ZNF248: variants seen among roughly 807,000 people sequenced by gnomAD.
ZNF248 encodes KRAB protein domain.
ZNF248 carries 20 observed loss-of-function variants against 44.3 expected under a neutral mutation model. The ratio of observed to expected loss-of-function variants is 0.45; its 90% CI spans 0.32 to 0.66. The LOEUF (loss-of-function observed/expected upper bound fraction) is 0.66. ZNF248 is among the 30% of genes least tolerant of loss of function. The pLI is 0.04. For missense variants in ZNF248, 654 were observed against 677.0 expected (o/e 0.97, Z 0.38); for synonymous variants, 224 against 229.0 (o/e 0.98, Z 0.20).
chr10:37,823,585 GT>G (rs1355319255), intron 6 of ZNF248, among the ~76,000 whole-genome samples: 1 of 151,772 alleles, frequency 6.6e-6, no homozygotes, highest in African/African-American at 2.4e-5. Context: ...TTTTTTGGTT[GT>G]TTTTTGAGAC....
rs139942129 is a variant in ZNF248 at position 37,856,592 on chromosome 10, G to C, written c.-125-60C>G. ...GAGTTTAACAAGTTAACAGTAATCT[G>C]AAGGAAAAAACACTATGGGTTTGTC... On this transcript the variant is annotated intron_variant, in intron 1 of 5. Transcript: ENST00000395867. The C allele has an allele frequency of 4.2e-5, 46 of 1,105,978 alleles. No individual in the cohort carries two copies. The African/African-American group carries it at 7.2e-4, about 17-fold the overall frequency. 68.5% of individuals were successfully genotyped at this position (1,105,978 alleles called of 1,614,324 possible). A position where few individuals can be genotyped will look rare whatever the true frequency, so the allele number is the denominator to read the frequency against.
the ZNF248 span, among the ~76,000 whole-genome samples, chr10:37,767,678 A>C: frequency 6.6e-6 from 1 of 152,180 alleles, no homozygotes; most frequent in Non-Finnish European, 1.5e-5. Flanking sequence ...ACATGCCAAA[A>C]TGTAAAGACC....
chr10:37,833,569 C>T (rs991762208), intron 5 of ZNF248, among the ~76,000 whole-genome samples: 1 of 152,062 alleles, frequency 6.6e-6, no homozygotes, highest in African/African-American at 2.4e-5. Flanking sequence ...GTCCTAATCC[C>T]CTCACACACA....
intron 6 of ZNF248, among the ~76,000 whole-genome samples, chr10:37,782,707 G>A (rs920413821): frequency 8.5e-5 from 13 of 152,130 alleles, no homozygotes; most frequent in Non-Finnish European, 1.9e-4. Flanking sequence ...TATGGAGGCA[G>A]AGATTGGAGT....
intron 6 of ZNF248, chr10:37,795,531 C>G (rs1409311532): frequency 1.3e-5 from 2 of 152,098 alleles, no homozygotes; most frequent in East Asian, 1.9e-4. Context: ...CTGCCAGAGT[C>G]TGCCTTATAA....
chr10:37,764,959 GC>G, the ZNF248 span, among the ~76,000 whole-genome samples: 3,715 of 150,256 alleles, frequency 0.025, 110 homozygotes, highest in African/African-American at 0.07. Context: ...CACTTTTTGA[GC>G]CTTTTTTTTT....
chr10:37,767,746 T>C, the ZNF248 span, among the ~76,000 whole-genome samples: 107 of 152,312 alleles, frequency 7.0e-4, 1 homozygote, highest in Non-Finnish European at 1.2e-3. Flanking sequence ...GCTAACATCA[T>C]AATGACAGAA....
rs79835785 is a variant in ZNF248, at chr10:37,830,430, A to G, written c.*1185T>C. 5 of 985,236 alleles carry G rather than the reference A, an allele frequency of 5.1e-6. No individual in the cohort carries two copies. The Admixed American group carries it at 3.1e-4, about 61-fold the overall frequency. The allele number at this position is 985,236 out of a possible 1,614,324, so 61.0% of individuals were successfully genotyped here. ...AAAAACATATACTGGCCAACCTACA[A>G]AGAGACTCCGGTAGTATTTAGAGTA... On this transcript the variant is annotated 3_prime_UTR_variant, in exon 6 of 6. Coordinates refer to ENST00000395867, the MANE Select transcript of ZNF248 (RefSeq NM_021045.3).
chr10:37,763,383 C>T, the ZNF248 span, among the ~76,000 whole-genome samples: 1 of 152,222 alleles, frequency 6.6e-6, no homozygotes, highest in South Asian at 2.1e-4. Context: ...AGTGATCTCC[C>T]TAAGCAAACC....
At chr10:37,812,855 T>G (rs2051747931) in intron 6 of ZNF248, among the ~76,000 whole-genome samples, 1 of 152,116 alleles carries the variant, frequency 6.6e-6, no homozygotes, top group Non-Finnish European at 1.5e-5. Flanking sequence ...ATGACACCAC[T>G]GGCACTGAAG....
rs533115327 is a variant in ZNF248, at chr10:37,807,958, C to T, written c.330+25067G>A. On this transcript the variant is annotated intron_variant, in intron 6 of 6. Transcript: ENST00000615949. ...CTTTCAGTCTTTTACCCGAGTACGA[C>T]ATTAGCTGTATATTTTTAATATATG... Among the ~76,000 whole-genome samples, 7 of 152,216 alleles carry T rather than the reference C, an allele frequency of 4.6e-5. No individual in the cohort carries two copies. In the South Asian group the frequency reaches 1.4e-3, roughly 32 times the overall value.
chr10:37,808,878 T>TG (rs2051024559), intron 6 of ZNF248, among the ~76,000 whole-genome samples: 1 of 152,144 alleles, frequency 6.6e-6, no homozygotes, highest in South Asian at 2.1e-4. Flanking sequence ...AAGAGTTTTT[T>TG]TTTCATTACT....
At chr10:37,761,636 C>T in the ZNF248 span, among the ~76,000 whole-genome samples, 2 of 152,216 alleles carry the variant, frequency 1.3e-5, no homozygotes, top group Non-Finnish European at 2.9e-5. Flanking sequence ...AATAACTTTA[C>T]TTCAAAGAAT....
At chr10:37,787,087 G>A (rs1256853666) in intron 6 of ZNF248, among the ~76,000 whole-genome samples, 1 of 152,144 alleles carries the variant, frequency 6.6e-6, no homozygotes, top group East Asian at 1.9e-4. Flanking sequence ...AGACCTTCCT[G>A]ACTAACATGG....
chr10:37,832,220 T>C lies in ZNF248; in HGVS notation c.1135A>G (p.Thr379Ala), dbSNP rs1052320065. 1.2e-6 allele frequency: 2 copies of C among 1,614,004 alleles called. No homozygotes were observed. The highest frequency in any genetic ancestry group is 3.3e-5 in the Admixed American group (2 of 59,996). The change falls in exon 6 of 6, where the codon ACC (threonine) becomes GCC (alanine). Residue 379 changes from threonine to alanine, a missense_variant. Thr to Ala is a moderately conservative substitution (Grantham distance 58, BLOSUM62 0). Coordinates refer to ENST00000395867, the MANE Select transcript of ZNF248 (RefSeq NM_021045.3). The part of the protein sequence containing the change: ...QLRRAHTGEK[T>A]FECGECGKTF... ...TTCCCACATTCACCACATTCAAAGG[T>C]TTTTTCTCCTGTGTGAGCTCTCCGA...
At chr10:37,854,090 C>G (rs1369045789) in intron 3 of ZNF248, among the ~76,000 whole-genome samples, 1 of 152,072 alleles carries the variant, frequency 6.6e-6, no homozygotes, top group African/African-American at 2.4e-5. Context: ...TTTCTACATA[C>G]AAGTAAACTC....
At chr10:37,791,007 G>T (rs2048466773) in intron 6 of ZNF248, among the ~76,000 whole-genome samples, 1 of 135,498 alleles carries the variant, frequency 7.4e-6, no homozygotes, top group South Asian at 2.3e-4. Context: ...CTGAAAAATG[G>T]TCTATGTTTT....
Position 37,829,957 on chromosome 10 carries a change from A to G in ZNF248, c.*1658T>C. The G allele has an allele frequency of 1.0e-6, 1 of 985,442 alleles. No homozygotes were observed. The highest frequency in any genetic ancestry group is 1.2e-6 in the Non-Finnish European group (1 of 829,938). The allele number at this position is 985,442 out of a possible 1,614,324, so 61.0% of individuals were successfully genotyped here. ...AAATATAAAATTTAGCTCAGCAAGG[A>G]TGAAGTAGGGAATGGCCATCATGTG... On this transcript the variant is annotated 3_prime_UTR_variant, in exon 6 of 6. Transcript: ENST00000395867.
At chr10:37,821,009 A>G in intron 6 of ZNF248, 2 of 1,384,426 alleles carry the variant, frequency 1.4e-6, no homozygotes, top group South Asian at 2.3e-5. Context: ...GTCTCCCGAG[A>G]CTAAAGGTGC....
Sources: gnomAD v4.1 joint callset for allele counts (sites outside exome capture counted in the v4.1 genomes callset) on GRCh38, gnomAD v4.1.1 for gene constraint, MANE v1.5 for transcripts, NCBI Gene and HGNC (gene_info 2026-07-23, HGNC 2026-07-21) for gene names.